The following ANK1 variants were observed in gnomAD, a reference collection of about 807,000 sequenced individuals.
ANK1 encodes the protein ankyrin-1.
Under a neutral mutation model 210.4 loss-of-function variants are expected in ANK1, and 51 were observed. The observed-to-expected ratio is 0.24, with a 90% CI of 0.19 to 0.31. The LOEUF is 0.31. Among genes scored for constraint, ANK1 ranks in the 10% least tolerant of loss-of-function variants. The pLI, the probability that ANK1 is intolerant of heterozygous loss-of-function variation, is 1.00. For synonymous variants in ANK1, 967 were observed against 1,025.9 expected (o/e 0.94, Z 1.10); for missense variants, 2,051 against 2,504.4 (o/e 0.82, Z 3.86).
chr8:41,812,459 T>G (rs1802638350), intron 1 of ANK1, among the ~76,000 whole-genome samples: 2 of 152,214 alleles, frequency 1.3e-5, no homozygotes, highest in African/African-American at 4.8e-5. Flanking sequence ...ACGGAGGAAA[T>G]GCATGGTCAG....
Position 41,730,451 on chromosome 8 carries a change from C to CTT in ANK1, c.229-2447_229-2446dup, listed in dbSNP as rs551939515. Among the ~76,000 whole-genome samples, 199 of 142,118 alleles carry CTT rather than the reference C, an allele frequency of 1.4e-3. 3 individuals are homozygous for CTT. The highest frequency in any genetic ancestry group is 0.011 in the Middle Eastern group (3 of 270). The allele number at this position is 142,118 out of a possible 152,430, so 93.2% of individuals were successfully genotyped here. A position where few individuals can be genotyped will look rare whatever the true frequency, so the allele number is the denominator to read the frequency against. On this transcript the variant is annotated intron_variant, in intron 3 of 42. Transcript: ENST00000289734. ...GACCCAGTCTGTCTGTCTTTTCTTT[C>CTT]TTTTTTTTTTTTTTTTAAAGGCATA...
intron 1 of ANK1, among the ~76,000 whole-genome samples, chr8:41,794,032 A>G (rs1181096456): frequency 6.6e-6 from 1 of 152,220 alleles, no homozygotes; most frequent in Non-Finnish European, 1.5e-5. Context: ...ACCATTTGCC[A>G]CACTATATCA....
intron 1 of ANK1, among the ~76,000 whole-genome samples, chr8:41,764,833 C>A (rs1219779947): frequency 1.3e-5 from 2 of 152,242 alleles, no homozygotes; most frequent in Non-Finnish European, 2.9e-5. Context: ...TCACAAAGCT[C>A]TCCCTAGGTT....
At chr8:41,766,328 G>A (rs1405051881) in intron 1 of ANK1, among the ~76,000 whole-genome samples, 1 of 152,184 alleles carries the variant, frequency 6.6e-6, no homozygotes, top group African/African-American at 2.4e-5. Flanking sequence ...TTACTCCCTT[G>A]ACGATGGAGA....
At chr8:41,881,205 A>G (rs1224558807) in intron 1 of ANK1, among the ~76,000 whole-genome samples, 1 of 152,234 alleles carries the variant, frequency 6.6e-6, no homozygotes, top group Non-Finnish European at 1.5e-5. Flanking sequence ...AGTCCAGACT[A>G]GAAGCTGGAC....
intron 1 of ANK1, among the ~76,000 whole-genome samples, chr8:41,788,033 C>G (rs1195460026): frequency 6.6e-6 from 1 of 152,236 alleles, no homozygotes; most frequent in Non-Finnish European, 1.5e-5. Flanking sequence ...GCATCCCAGA[C>G]AGCTGCTATC....
chr8:41,682,371 C>T (rs1352207593), intron 37 of ANK1, among the ~76,000 whole-genome samples: 1 of 152,254 alleles, frequency 6.6e-6, no homozygotes, highest in African/African-American at 2.4e-5. Flanking sequence ...GTTTCTCCTG[C>T]ACCATGCACG....
intron 2 of ANK1, among the ~76,000 whole-genome samples, chr8:41,750,732 G>T (rs925666930): frequency 6.6e-6 from 1 of 152,138 alleles, no homozygotes; most frequent in Non-Finnish European, 1.5e-5. Flanking sequence ...ATGAAGGCAC[G>T]CAGTAACAAG....
At chr8:41,883,742 G>A (rs947514627) in intron 1 of ANK1, among the ~76,000 whole-genome samples, 59 of 152,274 alleles carry the variant, frequency 3.9e-4, no homozygotes, top group African/African-American at 1.4e-3. Flanking sequence ...TTACAGGCAT[G>A]AGCTACAGCA....
chr8:41,822,112 GAGAA>G (rs1563845202), intron 1 of ANK1, among the ~76,000 whole-genome samples: 19 of 29,422 alleles, frequency 6.5e-4, no homozygotes, highest in East Asian at 2.4e-3. Context: ...GAGAGAGAGA[GAGAA>G]AGAAAGAGAA....
chr8:41,693,208 C>T lies in ANK1; in HGVS notation c.3533-7G>A, dbSNP rs751691134. 1 of 1,588,076 alleles carries T rather than the reference C, an allele frequency of 6.3e-7. No individual in the cohort carries two copies. ...TGGGCTTGGTCTGTTCCTCCTGTAA[C>T]AGCGGCAGAAATGGGGCTGGGGACA... is the stretch of plus-strand genomic sequence containing the variant. On this transcript the variant is annotated splice_polypyrimidine_tract_variant and splice_region_variant and intron_variant, in intron 29 of 42. Coordinates refer to ENST00000289734, the MANE Select transcript of ANK1 (RefSeq NM_000037.4).
intron 1 of ANK1, among the ~76,000 whole-genome samples, chr8:41,812,372 TAG>T (rs1317036518): frequency 1.4e-4 from 21 of 152,134 alleles, no homozygotes; most frequent in Non-Finnish European, 2.6e-4. Flanking sequence ...TTGAAGCTGA[TAG>T]AGTGTCCTAA....
chr8:41,845,950 C>A (rs1463850161), intron 1 of ANK1, among the ~76,000 whole-genome samples: 1 of 152,196 alleles, frequency 6.6e-6, no homozygotes, highest in Admixed American at 6.5e-5. Context: ...CCCCTACCTT[C>A]TCTCCATATT....
chr8:41,732,898 C>T (rs1402509734), intron 3 of ANK1, among the ~76,000 whole-genome samples: 6 of 151,372 alleles, frequency 4.0e-5, no homozygotes, highest in South Asian at 2.1e-4. Flanking sequence ...CCACCACGCC[C>T]GGCTAATTTT....
chr8:41,664,431 C>T lies in ANK1; in HGVS notation c.5395-689G>A, dbSNP rs557098492. 2.1e-3 allele frequency among the ~76,000 whole-genome samples: 325 copies of T among 152,226 alleles called. 1 individual carries two copies. Among genetic ancestry groups the T allele is most frequent in the Non-Finnish European group, 3.6e-3 (248 of 68,018 alleles). ...ACAGTAAGCCCAGGTTACAGTGAGC[C>T]ATGAGCATGCCACTGCACTCCAGCC... On this transcript the variant is annotated intron_variant, in intron 39 of 42. Transcript: ENST00000289734.
intron 27 of ANK1, 34 bp downstream of exon 27, chr8:41,695,143 G>A (rs2150594192): frequency 6.2e-7 from 1 of 1,613,620 alleles, no homozygotes; most frequent in Non-Finnish European, 8.5e-7. Flanking sequence ...CTTCCGCAAG[G>A]AGGGGACCCA....
chr8:41,896,084 G>C (rs990960348), intron 1 of ANK1, among the ~76,000 whole-genome samples: 1 of 152,230 alleles, frequency 6.6e-6, no homozygotes, highest in Non-Finnish European at 1.5e-5. Flanking sequence ...GTGCTGAAAG[G>C]TCTCTGCGGG....
At chr8:41,714,296 C>G in intron 15 of ANK1, 42 bp from the exon 16 acceptor site, 1 of 1,486,436 alleles carries the variant, frequency 6.7e-7, no homozygotes, top group Non-Finnish European at 9.1e-7. Flanking sequence ...GTCACTCCCA[C>G]GGACTTTCTC....
rs868827337 is a variant in ANK1 at position 41,737,171 on chromosome 8, C to T, written c.130-3102G>A. Among the ~76,000 whole-genome samples, 16 of 152,138 alleles carry T rather than the reference C, an allele frequency of 1.1e-4. No homozygotes were observed. The South Asian group carries it at 2.9e-3, about 28-fold the overall frequency. ...ACAATTAGCCAGGTGTGGTGACACGCGTCTGTAGTCCCAGCTACTCAGGAG... is the reference window on the plus strand; with the variant it reads ...ACAATTAGCCAGGTGTGGTGACACGTGTCTGTAGTCCCAGCTACTCAGGAG... On this transcript the variant is annotated intron_variant, in intron 2 of 42. Coordinates refer to ENST00000289734, the MANE Select transcript of ANK1 (RefSeq NM_000037.4).
Sources: allele counts gnomAD v4.1 joint callset (sites outside exome capture counted in the v4.1 genomes callset), GRCh38; gene constraint gnomAD v4.1.1; transcripts MANE v1.5; gene names NCBI Gene and HGNC (gene_info 2026-07-23, HGNC 2026-07-21).